Variants in PHF20L1 observed in about 807,000 individuals in gnomAD.
The protein encoded by PHF20L1 is PHD finger protein 20 like 1, also known as PHD finger protein 20-like protein 1.
A neutral mutation model predicts 125.5 loss-of-function variants in PHF20L1; 44 were observed. The ratio of observed to expected loss-of-function variants is 0.35; its 90% CI spans 0.28 to 0.45. The LOEUF (loss-of-function observed/expected upper bound fraction) is 0.45, where lower values mean the gene tolerates loss of function less well. Ranked by LOEUF, PHF20L1 falls within the 20% of genes least tolerant of loss-of-function variation. The pLI is 1.00. For missense variants in PHF20L1, 1,012 were observed against 1,217.2 expected, an observed-to-expected ratio of 0.83 and a Z score of 2.51; for synonymous variants, 380 against 403.1, an observed-to-expected ratio of 0.94 and a Z score of 0.69.
intron 2 of PHF20L1, among the ~76,000 whole-genome samples, chr8:132,779,549 T>G (rs1830200255): frequency 6.6e-6 from 1 of 152,234 alleles, no homozygotes; most frequent in African/African-American, 2.4e-5. Flanking sequence ...TGTGACTTAT[T>G]TAATTCATAT....
chr8:132,832,688 A>G (rs1313977439), intron 15 of PHF20L1, among the ~76,000 whole-genome samples: 2 of 152,122 alleles, frequency 1.3e-5, no homozygotes, highest in Non-Finnish European at 2.9e-5. Context: ...CAGAGTAGGT[A>G]TTATTCACAT....
Position 132,814,587 on chromosome 8 carries a change from A to G in PHF20L1, c.931-50A>G, listed in dbSNP as rs758533826. On this transcript the variant is annotated intron_variant, in intron 9 of 20. Transcript: ENST00000395386. ...AACAGTCAAAATAGAATACAAGAAC[A>G]AAAATGAAGAAGCCAAAATAAAAAT... 1.6e-5 allele frequency: 22 copies of G among 1,346,344 alleles called. No individual in the cohort carries two copies. The East Asian group carries it at 5.6e-4, about 34-fold the overall frequency. 83.4% of individuals were successfully genotyped at this position (1,346,344 alleles called of 1,614,324 possible).
rs1289452930 is a variant in PHF20L1 at position 132,838,083 on chromosome 8, G to C, written c.2191+272G>C. The C allele has an allele frequency of 1.9e-5, 5 of 265,240 alleles. No individual in the cohort carries two copies. The Admixed American group carries it at 2.3e-4, about 12-fold the overall frequency. The allele number at this position is 265,240 out of a possible 1,614,324, so 16.4% of individuals were successfully genotyped here. A position where few individuals can be genotyped will look rare whatever the true frequency, so the allele number is the denominator to read the frequency against. ...TGATTACCCTTAGTGAGGACTCACTGTACTTCTTGGTCAATTAGACTCAAC... is the reference window on the plus strand; with the variant it reads ...TGATTACCCTTAGTGAGGACTCACTCTACTTCTTGGTCAATTAGACTCAAC... On this transcript the variant is annotated intron_variant, in intron 17 of 20. Coordinates refer to ENST00000395386, the MANE Select transcript of PHF20L1 (RefSeq NM_016018.5).
intron 14 of PHF20L1, chr8:132,826,403 G>A (rs973211448): frequency 2.0e-5 from 3 of 152,058 alleles, no homozygotes; most frequent in African/African-American, 4.8e-5. Context: ...CTAAAAACCC[G>A]TGAGGAAACT....
rs1838374503 is a variant in PHF20L1 at position 132,845,727 on chromosome 8, C to T, written c.2912-54C>T. 2.4e-6 allele frequency: 3 copies of T among 1,261,658 alleles called. No homozygotes were observed. The African/African-American group carries it at 4.5e-5, about 19-fold the overall frequency. The allele number at this position is 1,261,658 out of a possible 1,614,324, so 78.2% of individuals were successfully genotyped here. ...TCCAACTTTCTGATTGTTTCATTTT[C>T]TGACTGTTCTTCCAGTTGCAGTTTA... On this transcript the variant is annotated intron_variant, in intron 20 of 20. Transcript: ENST00000395386.
chr8:132,816,937 GAGA>G lies in PHF20L1; in HGVS notation c.1240_1242del (p.Arg414del), dbSNP rs2131688545. On this transcript the variant is annotated inframe_deletion, in exon 11 of 21. Coordinates refer to ENST00000395386, the MANE Select transcript of PHF20L1 (RefSeq NM_016018.5). ...CTAGACCTTTCAAGCATAGTGAGCGGAGAAGAAGATCTCAGCGTTTAGCCACCT... is the reference window on the plus strand; with the variant it reads ...CTAGACCTTTCAAGCATAGTGAGCGGAGAAGATCTCAGCGTTTAGCCACCT... 8 of 1,612,324 alleles carry G rather than the reference GAGA, an allele frequency of 5.0e-6. No individual in the cohort carries two copies. The highest frequency in any genetic ancestry group is 1.7e-5 in the Admixed American group (1 of 59,868).
At chr8:132,777,961 T>TA (rs1830011862) in intron 2 of PHF20L1, 50 bp downstream of exon 2, 1 of 1,108,602 alleles carries the variant, frequency 9.0e-7, no homozygotes, top group Non-Finnish European at 1.4e-6. Context: ...TCTGTAGCCT[T>TA]ACATATGTTA....
rs1833339692 is a variant in PHF20L1, at chr8:132,803,559, C to A, written c.508-260C>A. 1.9e-5 allele frequency: 7 copies of A among 377,824 alleles called. No individual in the cohort carries two copies. The South Asian group carries it at 2.4e-4, about 13-fold the overall frequency. The allele number at this position is 377,824 out of a possible 1,614,324, so 23.4% of individuals were successfully genotyped here. ...TTCCTCTGCTATTTTAGATTTTATT[C>A]CTGTGAAAATATATCCATGGAATAC... On this transcript the variant is annotated intron_variant, in intron 6 of 20. Transcript: ENST00000395386.
At chr8:132,793,087 T>C (rs1831953055) in intron 2 of PHF20L1, among the ~76,000 whole-genome samples, 1 of 151,782 alleles carries the variant, frequency 6.6e-6, no homozygotes, top group African/African-American at 2.4e-5. Flanking sequence ...AGATGAGTGC[T>C]GTCAGAGCAG....
In PHF20L1 at chr8:132,832,402, A is replaced by G; in HGVS notation, c.1909+3A>G. On this transcript the variant is annotated splice_donor_region_variant and intron_variant, in intron 15 of 20. Transcript: ENST00000395386. ...ATCCGTTGATCTTAGTGGTGAAAGTATGTGTAACCATGTGATGGTTAAAAC... is the reference window on the plus strand; with the variant it reads ...ATCCGTTGATCTTAGTGGTGAAAGTGTGTGTAACCATGTGATGGTTAAAAC... The G allele has an allele frequency of 6.3e-7, 1 of 1,596,734 alleles. No homozygotes were observed. Among genetic ancestry groups the G allele is most frequent in the Non-Finnish European group, 8.6e-7 (1 of 1,165,386 alleles).
intron 17 of PHF20L1, 27 bp from the exon 18 acceptor site, chr8:132,839,358 CTG>C (rs748514902): frequency 4.0e-5 from 62 of 1,564,734 alleles, no homozygotes; most frequent in Admixed American, 6.7e-5. Context: ...GTGCAGTCCT[CTG>C]TGATTTAATA....
intron 18 of PHF20L1, among the ~76,000 whole-genome samples, chr8:132,841,350 A>G (rs1336150705): frequency 2.6e-5 from 4 of 152,066 alleles, no homozygotes; most frequent in Admixed American, 1.3e-4. Flanking sequence ...CCCTTGGACT[A>G]TTGGACTGCA....
At chr8:132,845,251 G>A (rs557070330) in intron 20 of PHF20L1, among the ~76,000 whole-genome samples, 19 of 152,188 alleles carry the variant, frequency 1.2e-4, no homozygotes, top group African/African-American at 4.1e-4. Context: ...ACGCTTGCAT[G>A]TCTTTTAAAA....
chr8:132,807,598 G>A (rs1833882570), intron 8 of PHF20L1: 3 of 387,224 alleles, frequency 7.7e-6, no homozygotes, highest in Non-Finnish European at 1.5e-5. Context: ...GTCCCAGCAA[G>A]AAGATTGTGT....
At chr8:132,778,311 T>C (rs1830052549) in intron 2 of PHF20L1, among the ~76,000 whole-genome samples, 1 of 152,236 alleles carries the variant, frequency 6.6e-6, no homozygotes, top group South Asian at 2.1e-4. Flanking sequence ...TCAGTGGTAG[T>C]CTTTCAAACT....
At chr8:132,826,248 A>G (rs560138254) in intron 14 of PHF20L1, 4 of 152,242 alleles carry the variant, frequency 2.6e-5, no homozygotes, top group African/African-American at 9.6e-5. Flanking sequence ...AAACATAGTG[A>G]AGTCTGTTTC....
intron 6 of PHF20L1, among the ~76,000 whole-genome samples, chr8:132,803,225 C>T (rs1454586398): frequency 2.0e-5 from 3 of 151,712 alleles, no homozygotes; most frequent in Admixed American, 2.0e-4. Context: ...CTCTTTTCTT[C>T]TTCATCAGTA....
rs772880152 is a variant in PHF20L1 at position 132,794,714 on chromosome 8, T to C, written c.256-19T>C. The C allele has an allele frequency of 1.7e-5, 27 of 1,596,354 alleles. No individual in the cohort carries two copies. Among genetic ancestry groups the C allele is most frequent in the Non-Finnish European group, 2.3e-5 (27 of 1,165,508 alleles). ...TATTTAATATACATGGAATTGATCT[T>C]AAAAGTTGTTTAAAATAGGATTTTA... is the stretch of plus-strand genomic sequence containing the variant. On this transcript the variant is annotated intron_variant, in intron 3 of 20. Coordinates refer to ENST00000395386, the MANE Select transcript of PHF20L1 (RefSeq NM_016018.5).
At position 132,848,350 on chromosome 8, in the gene PHF20L1, T is replaced by C. The variant is rs1179657492; in HGVS notation, c.*2427T>C. ...ATCGATTGAAGCCTTTCACAAGTAGTGCGCTGAGCTTTTCTTATTGAAGAG... is the reference window on the plus strand; with the variant it reads ...ATCGATTGAAGCCTTTCACAAGTAGCGCGCTGAGCTTTTCTTATTGAAGAG... On this transcript the variant is annotated 3_prime_UTR_variant, in exon 21 of 21. Transcript: ENST00000395386. The C allele has an allele frequency of 1.3e-5, 2 of 152,572 alleles. No individual in the cohort carries two copies. Among genetic ancestry groups the C allele is most frequent in the African/African-American group, 4.8e-5 (2 of 41,462 alleles). The allele number at this position is 152,572 out of a possible 1,614,324, so 9.5% of individuals were successfully genotyped here. A position where few individuals can be genotyped will look rare whatever the true frequency, so the allele number is the denominator to read the frequency against.
Sources: allele counts gnomAD v4.1 joint callset (sites outside exome capture counted in the v4.1 genomes callset), GRCh38; gene constraint gnomAD v4.1.1; transcripts MANE v1.5; gene names NCBI Gene and HGNC (gene_info 2026-07-23, HGNC 2026-07-21).